ZNF773: variants seen among roughly 807,000 people sequenced by gnomAD.
ZNF773 encodes the protein zinc finger protein 773.
In ZNF773, 11 loss-of-function variants were observed where a neutral mutation model predicts 12.8. The ratio of observed to expected loss-of-function variants is 0.86; its 90% CI spans 0.54 to 1.42. The LOEUF (loss-of-function observed/expected upper bound fraction) is 1.42, where lower values mean the gene tolerates loss of function less well. Ranked by LOEUF, ZNF773 falls within the 40% of genes most tolerant of loss-of-function variation. ZNF773 has a pLI of 0.00. For synonymous variants in ZNF773, 175 were observed against 178.4 expected, an observed-to-expected ratio of 0.98 and a Z score of 0.15; for missense variants, 518 against 527.2, an observed-to-expected ratio of 0.98 and a Z score of 0.17.
At chr19:57,513,126 A>G, downstream of ZNF773, 2 of 1,430,530 alleles carry the variant, frequency 1.4e-6, no homozygotes, top group Admixed American at 2.7e-5. Flanking sequence ...AAACCCCAGG[A>G]CAAGTCTGCT....
At position 57,506,776 on chromosome 19, in the gene ZNF773, A is replaced by G. The variant is rs187270397; in HGVS notation, c.681A>G (p.Leu227=). 7.7e-5 allele frequency: 124 copies of G among 1,614,078 alleles called. No homozygotes were observed. The highest frequency in any genetic ancestry group is 4.2e-4 in the Admixed American group (25 of 60,028). The change falls in exon 4 of 4, where the codon TTA becomes TTG. Residue 227 remains leucine (L), a synonymous_variant. Coordinates refer to ENST00000282292, the MANE Select transcript of ZNF773 (RefSeq NM_198542.3). ...ATGAATGCAGTGAATGTGGGAAGTT[A>G]TTTAGCCATAAGTCCAACCTTTTTA... ...KPYECSECGK[L]FSHKSNLFIH...
At chr19:57,504,624 G>C in intron 1 of ZNF773, 33 bp from the exon 2 acceptor site, 1 of 1,611,404 alleles carries the variant, frequency 6.2e-7, no homozygotes, top group East Asian at 2.2e-5. Context: ...CCAGTAAGGA[G>C]ACCGCAGATA....
chr19:57,512,468 A>G (rs1030185483), downstream of ZNF773, among the ~76,000 whole-genome samples: 2 of 135,438 alleles, frequency 1.5e-5, no homozygotes, highest in East Asian at 2.3e-4. Context: ...CAGTGGCATG[A>G]TCTTGGCTCA....
In ZNF773 at chr19:57,507,751, G is replaced by T. The variant is rs1292300696; in HGVS notation, c.*327G>T. 1 of 1,078,454 alleles carries T rather than the reference G, an allele frequency of 9.3e-7. No individual in the cohort carries two copies. The highest frequency in any genetic ancestry group is 5.4e-5 in the East Asian group (1 of 18,586). 66.8% of individuals were successfully genotyped at this position (1,078,454 alleles called of 1,614,324 possible). ...CCACTTTGGGAGGCTGAAGCGGGCG[G>T]ATCACAAGGTCAGGACATCGAAACC... On this transcript the variant is annotated 3_prime_UTR_variant, in exon 4 of 4. Coordinates refer to ENST00000282292, the MANE Select transcript of ZNF773 (RefSeq NM_198542.3).
At chr19:57,515,606 G>C (rs923603654), downstream of ZNF773, 1 of 152,180 alleles carries the variant, frequency 6.6e-6, no homozygotes, top group African/African-American at 2.4e-5. Context: ...AGCTGGTCAT[G>C]TCTGATGACA....
rs1244124366 is a variant in ZNF773 at position 57,508,218 on chromosome 19, A to C, written c.*794A>C. The C allele has an allele frequency of 4.5e-6, 5 of 1,110,376 alleles. No homozygotes were observed. The highest frequency in any genetic ancestry group is 5.5e-6 in the Non-Finnish European group (5 of 911,016). 68.8% of individuals were successfully genotyped at this position (1,110,376 alleles called of 1,614,324 possible). On this transcript the variant is annotated 3_prime_UTR_variant, in exon 4 of 4. Coordinates refer to ENST00000282292, the MANE Select transcript of ZNF773 (RefSeq NM_198542.3). Reference sequence around the variant, plus strand: ...ATGAGGGAGCTGGCAATTGAACATCATTCATCCAAATATGCACACTGGAGG... The same window carrying C: ...ATGAGGGAGCTGGCAATTGAACATCCTTCATCCAAATATGCACACTGGAGG...
chr19:57,510,213 C>T (rs1310178005), downstream of ZNF773, among the ~76,000 whole-genome samples: 2 of 152,174 alleles, frequency 1.3e-5, no homozygotes, highest in Admixed American at 1.3e-4. Flanking sequence ...AAATCATAAC[C>T]TAGTGAGGTT....
chr19:57,505,444 G>C, intron 3 of ZNF773, 44 bp downstream of exon 3: 1 of 1,602,402 alleles, frequency 6.2e-7, no homozygotes. Context: ...CTCGGGTATG[G>C]GTTTGTATCA....
chr19:57,513,596 C>G (rs1427751515), downstream of ZNF773: 17 of 152,246 alleles, frequency 1.1e-4, no homozygotes, highest in Admixed American at 1.1e-3. Flanking sequence ...CCTCCACCCA[C>G]TGCTTTGCCA....
At chr19:57,505,548 T>G in intron 3 of ZNF773, 148 bp downstream of exon 3, 1 of 962,210 alleles carries the variant, frequency 1.0e-6, no homozygotes, top group Non-Finnish European at 1.7e-6. Flanking sequence ...CACCCATTTA[T>G]ATCTATTCTG....
At chr19:57,511,898 A>G (rs1412482442), downstream of ZNF773, among the ~76,000 whole-genome samples, 1 of 152,246 alleles carries the variant, frequency 6.6e-6, no homozygotes, top group Non-Finnish European at 1.5e-5. Context: ...GAGTGGAAGA[A>G]GCCAGACACA....
chr19:57,508,512 T>G, downstream of ZNF773: 4 of 701,060 alleles, frequency 5.7e-6, no homozygotes, highest in Non-Finnish European at 5.2e-6. Flanking sequence ...TTTTATAATT[T>G]TCACCAGTTT....
intron 1 of ZNF773, among the ~76,000 whole-genome samples, 175 bp from the exon 2 acceptor site, chr19:57,504,482 G>A (rs2089704718): frequency 6.6e-6 from 1 of 152,040 alleles, no homozygotes; most frequent in African/African-American, 2.4e-5. Flanking sequence ...CTGCCTACCT[G>A]CCTCTGCTTG....
At chr19:57,502,177 G>A (rs2123246751) in intron 1 of ZNF773, among the ~76,000 whole-genome samples, 1 of 152,098 alleles carries the variant, frequency 6.6e-6, no homozygotes, top group South Asian at 2.1e-4. Flanking sequence ...CCCAATCTCA[G>A]GTGATCCGCC....
rs544194878 is a variant in ZNF773, at chr19:57,506,934, G to A, written c.839G>A (p.Cys280Tyr). 64 of 1,614,198 alleles carry A rather than the reference G, an allele frequency of 4.0e-5. 1 individual carries two copies. In the South Asian group the frequency reaches 5.6e-4, roughly 14 times the overall value. ...TGEKPFTCSE[C>Y]GKAFRHNSTL... ...GAAAAGCCTTTTACATGCAGTGAAT[G>A]TGGAAAAGCTTTCAGGCATAATTCC... Residue 280 changes from cysteine (C) to tyrosine (Y), a missense_variant, in exon 4 of 4, where the codon TGT becomes TAT. Physicochemically the swap from Cys to Tyr is radical, Grantham distance 194. Transcript: ENST00000282292.
Position 57,504,714 on chromosome 19 carries a change from T to C in ZNF773, c.91T>C (p.Leu31=). The change falls in exon 2 of 4, where the codon TTG becomes CTG. Residue 31 remains leucine, a synonymous_variant. Coordinates refer to ENST00000282292, the MANE Select transcript of ZNF773 (RefSeq NM_198542.3). ...AVYFSQEEWR[L]LDDAQRLLYR... is the part of the protein sequence containing the mutation. ...CTACTTCTCCCAGGAGGAATGGAGA[T>C]TGCTTGATGACGCTCAGAGGCTCCT... 6.2e-7 allele frequency: 1 copy of C among 1,613,884 alleles called. No homozygotes were observed. The highest frequency in any genetic ancestry group is 8.5e-7 in the Non-Finnish European group (1 of 1,179,970).
chr19:57,505,703 A>G (rs1294553569), intron 3 of ZNF773, among the ~76,000 whole-genome samples: 1 of 129,696 alleles, frequency 7.7e-6, no homozygotes, highest in Non-Finnish European at 1.6e-5. Flanking sequence ...CAACTATTTC[A>G]TTCCAGTTGT....
At chr19:57,517,639 A>G (rs2089839849), downstream of ZNF773, 1 of 152,192 alleles carries the variant, frequency 6.6e-6, no homozygotes, top group African/African-American at 2.4e-5. Flanking sequence ...AACAAATACA[A>G]AGCCTGAAGT....
At chr19:57,504,905 T>A in intron 2 of ZNF773, 119 bp downstream of exon 2, 3 of 1,339,052 alleles carry the variant, frequency 2.2e-6, no homozygotes, top group Non-Finnish European at 3.2e-6. Flanking sequence ...TTCTCCAGTA[T>A]CCTGAAGTAG....
Sources: allele counts gnomAD v4.1 joint callset (sites outside exome capture counted in the v4.1 genomes callset), GRCh38; gene constraint gnomAD v4.1.1; transcripts MANE v1.5; gene names NCBI Gene and HGNC (gene_info 2026-07-23, HGNC 2026-07-21).